Variants in LRRC40 observed in about 807,000 individuals in gnomAD.
The protein encoded by LRRC40 is leucine rich repeat containing 40, also known as leucine-rich repeat-containing protein 40.
Under a neutral mutation model 72.8 loss-of-function variants are expected in LRRC40, and 76 were observed. That is an observed-to-expected ratio of 1.04 (90% CI 0.87 to 1.26). LRRC40 has a LOEUF of 1.26. LRRC40 is among the 50% of genes most tolerant of loss of function. The pLI, the probability that LRRC40 is intolerant of heterozygous loss-of-function variation, is 0.00. For missense variants in LRRC40, 684 were observed against 698.9 expected (o/e 0.98, Z 0.24); for synonymous variants, 243 against 254.2 (o/e 0.96, Z 0.42).
intron 9 of LRRC40, among the ~76,000 whole-genome samples, chr1:70,162,265 T>C (rs974210555): frequency 6.6e-5 from 10 of 151,726 alleles, no homozygotes; most frequent in African/African-American, 2.4e-4. Context: ...CCCCTAAGGA[T>C]GGAGTGGGTG....
rs563007729 is a variant in LRRC40, at chr1:70,201,526, T to C, written c.151+3864A>G. Among the ~76,000 whole-genome samples the C allele has an allele frequency of 3.3e-5, 5 of 152,126 alleles. No homozygotes were observed. In the East Asian group the frequency reaches 5.8e-4, roughly 18 times the overall value. On this transcript the variant is annotated intron_variant, in intron 1 of 14. Transcript: ENST00000370952. ...GAAACAAGTGGCATAAAAAGACAACTATGATCAACAACAAGGAAACGAGCC... is the reference window on the plus strand; with the variant it reads ...GAAACAAGTGGCATAAAAAGACAACCATGATCAACAACAAGGAAACGAGCC...
chr1:70,172,269 T>C (rs1202900827), intron 9 of LRRC40, among the ~76,000 whole-genome samples: 2 of 152,184 alleles, frequency 1.3e-5, no homozygotes, highest in African/African-American at 4.8e-5. Context: ...ATTTCTGTTA[T>C]TTATAAATTA....
At chr1:70,160,825 ACTGT>A (rs1281239376) in intron 9 of LRRC40, among the ~76,000 whole-genome samples, 1 of 152,052 alleles carries the variant, frequency 6.6e-6, no homozygotes, top group Non-Finnish European at 1.5e-5. Context: ...ATGTGCATTT[ACTGT>A]CTTTTTCATT....
chr1:70,179,535 C>T (rs951968965), intron 5 of LRRC40, among the ~76,000 whole-genome samples: 4 of 152,102 alleles, frequency 2.6e-5, no homozygotes, highest in African/African-American at 9.7e-5. Context: ...TGTTAAAGTA[C>T]AACTAAATGT....
At chr1:70,199,215 T>TCACACA (rs3223615) in intron 1 of LRRC40, among the ~76,000 whole-genome samples, 14,819 of 140,336 alleles carry the variant, frequency 0.11, 1,339 homozygotes, top group African/African-American at 0.24. Flanking sequence ...ATACATAGTC[T>TCACACA]CACACACACA....
intron 6 of LRRC40, among the ~76,000 whole-genome samples, chr1:70,176,531 CA>C (rs368720423): frequency 0.015 from 448 of 29,718 alleles, 1 homozygote; most frequent in African/African-American, 0.034. Flanking sequence ...GAATCCATCT[CA>C]AAAAAAAAAA....
At position 70,151,126 on chromosome 1, in the gene LRRC40, A is replaced by C. The variant is rs368103886; in HGVS notation, c.1517+2T>G. On this transcript the variant is annotated splice_donor_variant, in intron 13 of 14. Coordinates refer to ENST00000370952, the MANE Select transcript of LRRC40 (RefSeq NM_017768.5). LOFTEE classifies it high-confidence loss of function. ...AACAATTAGAATTGTCTGTTCTCTT[A>C]CCTATTAAAGGAAAGATTGATCGTT... is the stretch of plus-strand genomic sequence containing the variant. 1 of 1,471,234 alleles carries C rather than the reference A, an allele frequency of 6.8e-7. No individual in the cohort carries two copies. The highest frequency in any genetic ancestry group is 1.4e-5 in the African/African-American group (1 of 71,840). The allele number at this position is 1,471,234 out of a possible 1,614,324, so 91.1% of individuals were successfully genotyped here. A position where few individuals can be genotyped will look rare whatever the true frequency, so the allele number is the denominator to read the frequency against.
At chr1:70,193,426 A>G (rs929899037) in intron 1 of LRRC40, among the ~76,000 whole-genome samples, 1 of 152,030 alleles carries the variant, frequency 6.6e-6, no homozygotes, top group Non-Finnish European at 1.5e-5. Flanking sequence ...TACAACCACA[A>G]TAGAAAGTAG....
At chr1:70,179,384 G>A (rs1668192275) in intron 5 of LRRC40, among the ~76,000 whole-genome samples, 1 of 152,086 alleles carries the variant, frequency 6.6e-6, no homozygotes, top group African/African-American at 2.4e-5. Flanking sequence ...CTACTTGGGA[G>A]GTTGAGGCAG....
At chr1:70,171,177 T>G (rs1229972948) in intron 9 of LRRC40, among the ~76,000 whole-genome samples, 1 of 152,036 alleles carries the variant, frequency 6.6e-6, no homozygotes, top group African/African-American at 2.4e-5. Flanking sequence ...ATTGAACCCT[T>G]ACCTCACACT....
intron 6 of LRRC40, among the ~76,000 whole-genome samples, chr1:70,178,028 A>G (rs1039561114): frequency 1.3e-5 from 2 of 152,248 alleles, no homozygotes; most frequent in African/African-American, 4.8e-5. Flanking sequence ...TTGTAAGAAC[A>G]TAGTACATAA....
chr1:70,187,004 T>TA lies in LRRC40; in HGVS notation c.407+260dup, dbSNP rs370951818. ...TAACAAACCACTAAGAATTGTTTTA[T>TA]AAAAAAAAAAAAATTTAAGCATTTA... is the stretch of plus-strand genomic sequence containing the variant. On this transcript the variant is annotated intron_variant, in intron 3 of 14. Transcript: ENST00000370952. Among the ~76,000 whole-genome samples, 1,141 of 139,520 alleles carry TA rather than the reference T, an allele frequency of 8.2e-3. 6 individuals carry two copies. Among genetic ancestry groups the TA allele is most frequent in the Middle Eastern group, 0.013 (3 of 240 alleles). 91.5% of individuals were successfully genotyped at this position (139,520 alleles called of 152,430 possible). A position where few individuals can be genotyped will look rare whatever the true frequency, so the allele number is the denominator to read the frequency against.
intron 1 of LRRC40, among the ~76,000 whole-genome samples, chr1:70,201,072 G>A (rs1033659132): frequency 6.6e-6 from 1 of 152,290 alleles, no homozygotes; most frequent in Non-Finnish European, 1.5e-5. Flanking sequence ...ACAGGCTGAG[G>A]AGGGAAGATG....
chr1:70,157,372 A>G (rs1667661180), intron 10 of LRRC40, among the ~76,000 whole-genome samples: 1 of 152,230 alleles, frequency 6.6e-6, no homozygotes, highest in Non-Finnish European at 1.5e-5. Context: ...TGAGATTGAT[A>G]ATTTATATTT....
rs1324423255 is a variant in LRRC40, at chr1:70,145,595, C to G, written c.*205G>C. On this transcript the variant is annotated 3_prime_UTR_variant, in exon 15 of 15. Coordinates refer to ENST00000370952, the MANE Select transcript of LRRC40 (RefSeq NM_017768.5). Reference sequence around the variant, plus strand: ...CATTACAAATGTATACAACACCTTACAAAAATCTTAAATAAAAATGTAAAA... The same window carrying G: ...CATTACAAATGTATACAACACCTTAGAAAAATCTTAAATAAAAATGTAAAA... The G allele has an allele frequency of 2.7e-6, 1 of 373,940 alleles. No homozygotes were observed. The highest frequency in any genetic ancestry group is 4.8e-6 in the Non-Finnish European group (1 of 209,204). The allele number at this position is 373,940 out of a possible 1,614,324, so 23.2% of individuals were successfully genotyped here.
intron 1 of LRRC40, among the ~76,000 whole-genome samples, chr1:70,191,084 T>C (rs1037215758): frequency 1.3e-5 from 2 of 151,658 alleles, no homozygotes; most frequent in African/African-American, 4.8e-5. Context: ...AACAGAAATG[T>C]GGTCACATAT....
Position 70,151,123 on chromosome 1 carries a change from C to T in LRRC40, c.1517+5G>A, listed in dbSNP as rs370948990. 6.8e-7 allele frequency: 1 copy of T among 1,467,954 alleles called. No homozygotes were observed. Among genetic ancestry groups the T allele is most frequent in the East Asian group, 2.3e-5 (1 of 43,978 alleles). 90.9% of individuals were successfully genotyped at this position (1,467,954 alleles called of 1,614,324 possible). On this transcript the variant is annotated splice_donor_5th_base_variant and intron_variant, in intron 13 of 14. Transcript: ENST00000370952. ...AATAACAATTAGAATTGTCTGTTCT[C>T]TTACCTATTAAAGGAAAGATTGATC...
intron 1 of LRRC40, among the ~76,000 whole-genome samples, chr1:70,201,420 C>T (rs923610985): frequency 6.6e-6 from 1 of 152,068 alleles, no homozygotes; most frequent in African/African-American, 2.4e-5. Flanking sequence ...TCATATGACA[C>T]AAAATTTAAG....
chr1:70,149,955 C>T (rs557683181), intron 13 of LRRC40, among the ~76,000 whole-genome samples: 1 of 152,184 alleles, frequency 6.6e-6, no homozygotes, highest in African/African-American at 2.4e-5. Flanking sequence ...GAGTCTTGCT[C>T]TGTCGCCTAG....
Sources: gnomAD v4.1 joint callset for allele counts (sites outside exome capture counted in the v4.1 genomes callset) on GRCh38, gnomAD v4.1.1 for gene constraint, MANE v1.5 for transcripts, NCBI Gene and HGNC (gene_info 2026-07-23, HGNC 2026-07-21) for gene names.